The following NRG1 variants were observed in gnomAD, a reference collection of about 807,000 sequenced individuals.
The protein encoded by NRG1 is pro-neuregulin-1, membrane-bound isoform.
A neutral mutation model predicts 63.8 loss-of-function variants in NRG1; 18 were observed. The observed-to-expected ratio is 0.28, with a 90% CI of 0.19 to 0.42. NRG1 has a LOEUF of 0.42. Ranked by LOEUF, NRG1 falls within the 10% of genes least tolerant of loss-of-function variation. The pLI, the probability that NRG1 is intolerant of heterozygous loss-of-function variation, is 1.00. For synonymous variants in NRG1, 302 were observed against 301.3 expected (o/e 1.00, Z -0.02); for missense variants, 762 against 814.7 (o/e 0.94, Z 0.79).
chr8:31,641,991 A>G (rs1353204500), intron 1 of NRG1, among the ~76,000 whole-genome samples: 1 of 152,112 alleles, frequency 6.6e-6, no homozygotes, highest in Non-Finnish European at 1.5e-5. Context: ...ATCATTGTTC[A>G]CCCACCATTC....
intron 1 of NRG1, among the ~76,000 whole-genome samples, chr8:32,271,700 C>T (rs567073857): frequency 6.6e-6 from 1 of 152,276 alleles, no homozygotes; most frequent in African/African-American, 2.4e-5. Context: ...TATGGACTGG[C>T]TTTGGGGTGT....
At chr8:32,094,255 C>A (rs978097137) in intron 1 of NRG1, among the ~76,000 whole-genome samples, 7 of 152,098 alleles carry the variant, frequency 4.6e-5, no homozygotes, top group African/African-American at 1.7e-4. Flanking sequence ...TAACAGAACC[C>A]TATTGAGATA....
intron 1 of NRG1, among the ~76,000 whole-genome samples, chr8:32,538,179 C>A (rs1020087978): frequency 1.3e-5 from 2 of 152,060 alleles, no homozygotes; most frequent in Non-Finnish European, 2.9e-5. Flanking sequence ...AGGGTCTCAG[C>A]ATATTTAGGC....
intron 1 of NRG1, among the ~76,000 whole-genome samples, chr8:32,459,839 A>G (rs1000803874): frequency 2.0e-5 from 3 of 152,070 alleles, no homozygotes; most frequent in Non-Finnish European, 4.4e-5. Flanking sequence ...GCTATTTTCT[A>G]TGGCTGGAAC....
chr8:32,312,150 C>CTTTTTT (rs1563301557), intron 1 of NRG1, among the ~76,000 whole-genome samples: 1 of 127,198 alleles, frequency 7.9e-6, no homozygotes, highest in African/African-American at 2.9e-5. Context: ...ATTATTTGAC[C>CTTTTTT]TTGTTTGTTT....
intron 1 of NRG1, among the ~76,000 whole-genome samples, chr8:32,086,081 A>G (rs1586996917): frequency 6.6e-6 from 1 of 152,214 alleles, no homozygotes; most frequent in East Asian, 1.9e-4. Flanking sequence ...GGGTTCTGTG[A>G]AGTAGAAATT....
At chr8:32,084,022 T>C (rs1586982629) in intron 1 of NRG1, among the ~76,000 whole-genome samples, 1 of 152,284 alleles carries the variant, frequency 6.6e-6, no homozygotes, top group East Asian at 1.9e-4. Flanking sequence ...ATCCCTCTTT[T>C]AGAGTTTTCC....
chr8:32,413,449 G>A lies in NRG1; in HGVS notation c.38-182379G>A, dbSNP rs902646488. 4.6e-5 allele frequency among the ~76,000 whole-genome samples: 7 copies of A among 152,152 alleles called. 1 individual carries two copies. Among genetic ancestry groups the A allele is most frequent in the Non-Finnish European group, 1.0e-4 (7 of 68,032 alleles). ...TTTACCATGTTTCCTTAGGCTTGTA[G>A]CATTCCATTTTTACTTCTATTCTGA... On this transcript the variant is annotated intron_variant, in intron 1 of 10. Transcript: ENST00000519301.
intron 1 of NRG1, among the ~76,000 whole-genome samples, chr8:32,058,298 C>T (rs1414630226): frequency 6.6e-6 from 1 of 151,904 alleles, no homozygotes; most frequent in Non-Finnish European, 1.5e-5. Context: ...TTATAAAGCC[C>T]TCTATATAAA....
At chr8:32,114,738 C>T (rs543860029) in intron 1 of NRG1, among the ~76,000 whole-genome samples, 1 of 152,328 alleles carries the variant, frequency 6.6e-6, no homozygotes, top group Admixed American at 6.5e-5. Flanking sequence ...GTGGATTTCT[C>T]TGCTCAGTCA....
At chr8:31,701,019 A>G (rs1810573861) in intron 1 of NRG1, among the ~76,000 whole-genome samples, 1 of 152,126 alleles carries the variant, frequency 6.6e-6, no homozygotes, top group African/African-American at 2.4e-5. Flanking sequence ...GCTGGAGCAA[A>G]ACTACCTACA....
intron 5 of NRG1, among the ~76,000 whole-genome samples, chr8:32,687,781 G>A (rs1810550313): frequency 6.6e-6 from 1 of 152,206 alleles, no homozygotes; most frequent in Admixed American, 6.5e-5. Flanking sequence ...AAGAGTACAA[G>A]TAAAGCTCTT....
chr8:32,398,514 G>T (rs1223495327), intron 1 of NRG1, among the ~76,000 whole-genome samples: 1 of 151,510 alleles, frequency 6.6e-6, no homozygotes, highest in Non-Finnish European at 1.5e-5. Context: ...AGGTTCGAGC[G>T]ATTTTCCTGC....
intron 1 of NRG1, among the ~76,000 whole-genome samples, chr8:31,829,663 C>T (rs562563567): frequency 7.9e-5 from 12 of 152,196 alleles, no homozygotes; most frequent in Non-Finnish European, 1.6e-4. Flanking sequence ...CCACTATAGT[C>T]TTGGATTCTT....
chr8:32,681,864 C>T (rs899849245), intron 5 of NRG1, among the ~76,000 whole-genome samples: 1 of 152,124 alleles, frequency 6.6e-6, no homozygotes, highest in African/African-American at 2.4e-5. Context: ...AAAGGCATCA[C>T]AAAATACTTG....
rs992164330 is a variant in NRG1 at position 32,169,835 on chromosome 8, G to T, written c.38-425993G>T. Among the ~76,000 whole-genome samples the T allele has an allele frequency of 7.2e-5, 11 of 152,224 alleles. No individual in the cohort carries two copies. In the South Asian group the frequency reaches 8.3e-4, roughly 11 times the overall value. ...TTATTTCCTCAAAAAATATATGCTT[G>T]TCTTAACCCCAGTGCTGCTGAATGT... On this transcript the variant is annotated intron_variant, in intron 1 of 10. Transcript: ENST00000519301.
At chr8:32,113,960 T>C (rs1253032242) in intron 1 of NRG1, among the ~76,000 whole-genome samples, 1 of 152,340 alleles carries the variant, frequency 6.6e-6, no homozygotes, top group East Asian at 1.9e-4. Flanking sequence ...TAGCACTCAA[T>C]AAATTGTAGA....
At chr8:31,957,023 C>A (rs1017884528) in intron 1 of NRG1, among the ~76,000 whole-genome samples, 15 of 151,980 alleles carry the variant, frequency 9.9e-5, no homozygotes, top group South Asian at 4.1e-4. Context: ...GGAAAAAAAA[C>A]CCCTAGGTTT....
intron 1 of NRG1, among the ~76,000 whole-genome samples, chr8:31,884,770 C>A (rs1399270156): frequency 2.0e-5 from 3 of 151,948 alleles, no homozygotes; most frequent in African/African-American, 2.4e-5. Context: ...GTATTGTGTG[C>A]ATTTGGAGTA....
Sources: gnomAD v4.1 joint callset for allele counts (sites outside exome capture counted in the v4.1 genomes callset) on GRCh38, gnomAD v4.1.1 for gene constraint, MANE v1.5 for transcripts, NCBI Gene and HGNC (gene_info 2026-07-23, HGNC 2026-07-21) for gene names.